MAP3K13: variants seen among roughly 807,000 people sequenced by gnomAD.
MAP3K13 encodes the protein mitogen-activated protein kinase kinase kinase 13.
Under a neutral mutation model 104.0 loss-of-function variants are expected in MAP3K13, and 52 were observed. The ratio of observed to expected loss-of-function variants is 0.50; its 90% CI spans 0.40 to 0.63. The LOEUF is 0.63. MAP3K13 is among the 20% of genes least tolerant of loss of function. The pLI is 0.00. For missense variants in MAP3K13, 914 were observed against 1,218.5 expected (o/e 0.75, Z 3.72); for synonymous variants, 394 against 442.2 (o/e 0.89, Z 1.37).
At chr3:185,440,798 C>A (rs547627158) in intron 3 of MAP3K13, among the ~76,000 whole-genome samples, 1 of 152,274 alleles carries the variant, frequency 6.6e-6, no homozygotes, top group Admixed American at 6.5e-5. Flanking sequence ...TGGTAGCTGG[C>A]TGAAGGCTTT....
rs1717954678 is a variant in MAP3K13 at position 185,473,823 on chromosome 3, T to G, written c.2430+62T>G. The G allele has an allele frequency of 6.7e-7, 1 of 1,493,264 alleles. No homozygotes were observed. The highest frequency in any genetic ancestry group is 9.1e-7 in the Non-Finnish European group (1 of 1,104,564). 92.5% of individuals were successfully genotyped at this position (1,493,264 alleles called of 1,614,324 possible). A position where few individuals can be genotyped will look rare whatever the true frequency, so the allele number is the denominator to read the frequency against. On this transcript the variant is annotated intron_variant, in intron 11 of 13. Coordinates refer to ENST00000265026, the MANE Select transcript of MAP3K13 (RefSeq NM_004721.5). This position sits in a 1 kb window ranked among gnomAD's most constrained non-coding sequence, Gnocchi z 4.9. ...CTTCAAAGAATGCCAGAGCCTGTCA[T>G]GTTATACACATTAGAGAGCATATGT...
At chr3:185,464,082 G>A (rs1717269103) in intron 8 of MAP3K13, among the ~76,000 whole-genome samples, 1 of 152,178 alleles carries the variant, frequency 6.6e-6, no homozygotes, top group Non-Finnish European at 1.5e-5. Flanking sequence ...CCAGGAGTTT[G>A]AGACCAGCCC....
chr3:185,412,666 G>A (rs1297822056), intron 1 of MAP3K13, among the ~76,000 whole-genome samples: 1 of 152,128 alleles, frequency 6.6e-6, no homozygotes, highest in African/African-American at 2.4e-5. Flanking sequence ...CTACTTCTGT[G>A]AGCAAAAACA....
At position 185,418,734 on chromosome 3, in the gene MAP3K13, C is replaced by T. The variant is rs539780451; in HGVS notation, c.-85-9763C>T. 442 of 1,610,008 alleles carry T rather than the reference C, an allele frequency of 2.7e-4. No individual in the cohort carries two copies. Among genetic ancestry groups the T allele is most frequent in the Non-Finnish European group, 3.4e-4 (405 of 1,177,022 alleles). ...AAGTGACATTTTTGCCAGATGACTC[C>T]CCCTTTTCGGAGTACACCGATATCA... On this transcript the variant is annotated intron_variant, in intron 1 of 13. Coordinates refer to ENST00000265026, the MANE Select transcript of MAP3K13 (RefSeq NM_004721.5). The surrounding 1 kb of genome is among the most constrained non-coding windows in gnomAD (Gnocchi z 4.5).
chr3:185,293,072 T>G (rs895914727), intron 2 of MAP3K13: 76 of 974,152 alleles, frequency 7.8e-5, no homozygotes, highest in Non-Finnish European at 9.0e-5. Flanking sequence ...CTTTTTTTTT[T>G]CCTGTGAGTT....
At chr3:185,309,907 C>T (rs1414263109) in intron 2 of MAP3K13, among the ~76,000 whole-genome samples, 2 of 152,080 alleles carry the variant, frequency 1.3e-5, no homozygotes, top group Admixed American at 6.6e-5. Flanking sequence ...CACAGAAAGC[C>T]GCATACCCGA....
intron 9 of MAP3K13, 71 bp from the exon 10 acceptor site, chr3:185,466,755 C>A: frequency 2.0e-6 from 3 of 1,534,248 alleles, no homozygotes; most frequent in Non-Finnish European, 2.7e-6. Context: ...GTAGAATTAG[C>A]CGGTGAAAAT....
intron 2 of MAP3K13, among the ~76,000 whole-genome samples, chr3:185,311,974 T>C (rs1017999634): frequency 1.6e-4 from 25 of 152,234 alleles, no homozygotes; most frequent in African/African-American, 5.5e-4. Context: ...AAAAATCATG[T>C]TGAATATAAG....
chr3:185,443,752 C>A, intron 4 of MAP3K13, 116 bp downstream of exon 4: 3 of 820,964 alleles, frequency 3.7e-6, no homozygotes, highest in Non-Finnish European at 5.9e-6. Context: ...TTTCAATCAG[C>A]ACAGTGGGTA....
At chr3:185,385,425 A>G (rs1711631814) in intron 1 of MAP3K13, among the ~76,000 whole-genome samples, 1 of 152,148 alleles carries the variant, frequency 6.6e-6, no homozygotes, top group South Asian at 2.1e-4. Flanking sequence ...CACTCACCTC[A>G]GCTTCACAAA....
At chr3:185,374,208 T>G (rs1434657026) in intron 1 of MAP3K13, among the ~76,000 whole-genome samples, 1 of 152,200 alleles carries the variant, frequency 6.6e-6, no homozygotes, top group Non-Finnish European at 1.5e-5. Flanking sequence ...GGGGATATGA[T>G]GGCTTGGCTT....
intron 2 of MAP3K13, among the ~76,000 whole-genome samples, chr3:185,435,307 G>A (rs1001655039): frequency 2.0e-5 from 3 of 151,988 alleles, no homozygotes; most frequent in African/African-American, 7.2e-5. Flanking sequence ...CACCACGCCT[G>A]GCCAATGATA....
chr3:185,284,898 T>G (rs924765145), intron 1 of MAP3K13, among the ~76,000 whole-genome samples: 43 of 152,102 alleles, frequency 2.8e-4, no homozygotes, highest in Non-Finnish European at 7.4e-5. Flanking sequence ...TAATGAAATC[T>G]TGGCATGAAT....
chr3:185,317,525 T>C (rs1029343725), intron 2 of MAP3K13, among the ~76,000 whole-genome samples: 3 of 152,150 alleles, frequency 2.0e-5, no homozygotes, highest in Non-Finnish European at 4.4e-5. Context: ...ATCTAGACTT[T>C]TAGGTAGTTA....
chr3:185,455,656 TG>T (rs1560120183), intron 7 of MAP3K13, among the ~76,000 whole-genome samples: 13 of 32,112 alleles, frequency 4.0e-4, no homozygotes, highest in South Asian at 1.0e-3. Context: ...GATATATATA[TG>T]ATATATATAT....
rs978475791 is a variant in MAP3K13 at position 185,480,173 on chromosome 3, T to C, written c.2502-59T>C. On this transcript the variant is annotated intron_variant, in intron 12 of 13. Coordinates refer to ENST00000265026, the MANE Select transcript of MAP3K13 (RefSeq NM_004721.5). ...CTCTACCACTACTATGAGTGACAGA[T>C]AAGGAAAGAAAAGCAGTTGTTCCTC... 4.0e-6 allele frequency: 6 copies of C among 1,517,620 alleles called. No individual in the cohort carries two copies. In the African/African-American group the frequency reaches 8.2e-5, roughly 21 times the overall value. The allele number at this position is 1,517,620 out of a possible 1,614,324, so 94.0% of individuals were successfully genotyped here. A position where few individuals can be genotyped will look rare whatever the true frequency, so the allele number is the denominator to read the frequency against.
At chr3:185,460,538 C>T (rs952395540) in intron 7 of MAP3K13, among the ~76,000 whole-genome samples, 1 of 152,202 alleles carries the variant, frequency 6.6e-6, no homozygotes, top group African/African-American at 2.4e-5. Flanking sequence ...GATAGCTGTG[C>T]AAATTGGCTG....
intron 4 of MAP3K13, among the ~76,000 whole-genome samples, chr3:185,445,965 C>T (rs1410884660): frequency 6.6e-6 from 1 of 152,106 alleles, no homozygotes; most frequent in Non-Finnish European, 1.5e-5. Context: ...CTCATATATC[C>T]CATAATATTT....
Position 185,317,755 on chromosome 3 carries a change from T to C in MAP3K13, c.-86+32112T>C, listed in dbSNP as rs548684297. 1.6e-4 allele frequency among the ~76,000 whole-genome samples: 24 copies of C among 152,294 alleles called. No homozygotes were observed. In the East Asian group the frequency reaches 3.1e-3, roughly 20 times the overall value. On this transcript the variant is annotated intron_variant, in intron 2 of 14. Coordinates refer to the MAP3K13 transcript ENST00000424227. ...ATACTTGATCTCTTCTTAAATGGCC[T>C]AAGTGGGGAAGGGAAACCTTTCATT... is the stretch of plus-strand genomic sequence containing the variant.
Sources: allele counts gnomAD v4.1 joint callset (sites outside exome capture counted in the v4.1 genomes callset), GRCh38; gene constraint gnomAD v4.1.1; non-coding constraint Gnocchi (gnomAD v3.1); transcripts MANE v1.5; gene names NCBI Gene and HGNC (gene_info 2026-07-23, HGNC 2026-07-21).